The following NDRG1 variants were observed in gnomAD, a reference collection of about 807,000 sequenced individuals.
NDRG1 encodes the protein N-myc downstream regulated 1.
In NDRG1, 32 loss-of-function variants were observed where a neutral mutation model predicts 56.9. The ratio of observed to expected loss-of-function variants is 0.56; its 90% CI spans 0.42 to 0.76. NDRG1 has a LOEUF of 0.76. Among genes scored for constraint, NDRG1 ranks in the 30% least tolerant of loss-of-function variants. The probability of loss-of-function intolerance (pLI) is 0.00; values close to 1 mark genes in which losing one functional copy is unlikely to be tolerated. For synonymous variants in NDRG1, 211 were observed against 204.1 expected, an observed-to-expected ratio of 1.03 and a Z score of -0.29; for missense variants, 507 against 545.7, an observed-to-expected ratio of 0.93 and a Z score of 0.71.
chr8:133,284,095 G>A (rs1277090080), intron 2 of NDRG1, among the ~76,000 whole-genome samples, 154 bp downstream of exon 2: 1 of 152,228 alleles, frequency 6.6e-6, no homozygotes, highest in African/African-American at 2.4e-5. Flanking sequence ...GTACATGTGT[G>A]TGCAGCATGT....
In NDRG1 at chr8:133,244,882, C is replaced by T. The variant is rs79745883; in HGVS notation, c.856-492G>A. ...ACCAGTACCCTTCCTAAATGGTGGACGTTCAAAGTCCCTGTGAAATCACCG... is the reference window on the plus strand; with the variant it reads ...ACCAGTACCCTTCCTAAATGGTGGATGTTCAAAGTCCCTGTGAAATCACCG... On this transcript the variant is annotated intron_variant, in intron 13 of 15. Transcript: ENST00000323851. 4.6e-3 allele frequency among the ~76,000 whole-genome samples: 694 copies of T among 152,310 alleles called. 4 individuals carry two copies. The highest frequency in any genetic ancestry group is 0.016 in the African/African-American group (652 of 41,562).
At chr8:133,244,718 T>C in intron 13 of NDRG1, 1 of 491,302 alleles carries the variant, frequency 2.0e-6, no homozygotes, top group East Asian at 3.7e-5. Flanking sequence ...AGGAAGAGCT[T>C]GAGGGACTCG....
intron 1 of NDRG1, among the ~76,000 whole-genome samples, chr8:133,295,629 G>A (rs1254380681): frequency 6.6e-6 from 1 of 152,146 alleles, no homozygotes; most frequent in Non-Finnish European, 1.5e-5. Flanking sequence ...CAATAAGAAC[G>A]CCAGAATTTC....
chr8:133,239,980 G>A (rs1855291575), intron 15 of NDRG1: 1 of 152,250 alleles, frequency 6.6e-6, no homozygotes, highest in Admixed American at 6.5e-5. Flanking sequence ...GGGATATGCA[G>A]GGGAGAAGTC....
At chr8:133,253,192 C>A (rs1011584653) in intron 9 of NDRG1, among the ~76,000 whole-genome samples, 2 of 152,216 alleles carry the variant, frequency 1.3e-5, no homozygotes, top group African/African-American at 4.8e-5. Flanking sequence ...TGGGGCCAGG[C>A]AGGCTGGGCT....
rs1479312866 is a variant in NDRG1, at chr8:133,263,351, C to A, written c.206-1184G>T. ...TAGAAACAAATGAAAATCAGGCAGTCCATCGTCAAAAATCAAGCAAGCTTG... is the reference window on the plus strand; with the variant it reads ...TAGAAACAAATGAAAATCAGGCAGTACATCGTCAAAAATCAAGCAAGCTTG... On this transcript the variant is annotated intron_variant, in intron 4 of 15. Transcript: ENST00000323851. Among the ~76,000 whole-genome samples the A allele has an allele frequency of 2.6e-5, 4 of 152,124 alleles. No homozygotes were observed. In the East Asian group the frequency reaches 7.7e-4, roughly 29 times the overall value.
In NDRG1 at chr8:133,238,135, G is replaced by A. The variant is rs192660409; in HGVS notation, c.*743C>T. 4.3e-6 allele frequency: 1 copy of A among 233,146 alleles called. No homozygotes were observed. Among genetic ancestry groups the A allele is most frequent in the East Asian group, 6.0e-5 (1 of 16,578 alleles). 14.4% of individuals were successfully genotyped at this position (233,146 alleles called of 1,614,324 possible). A position where few individuals can be genotyped will look rare whatever the true frequency, so the allele number is the denominator to read the frequency against. On this transcript the variant is annotated 3_prime_UTR_variant, in exon 16 of 16. Coordinates refer to ENST00000323851, the MANE Select transcript of NDRG1 (RefSeq NM_006096.4). ...CAGAACTAAAGCCTTCAAAAACCAT[G>A]ATGCCCAACGTTTGCTGAAATATTT...
chr8:133,245,637 C>T (rs1042936379), intron 13 of NDRG1, among the ~76,000 whole-genome samples: 1 of 152,126 alleles, frequency 6.6e-6, no homozygotes. Flanking sequence ...TCCCCTAGCA[C>T]CTTCAGAGGG....
chr8:133,295,181 G>GCCC (rs1478450467), intron 1 of NDRG1, among the ~76,000 whole-genome samples: 1 of 152,082 alleles, frequency 6.6e-6, no homozygotes, highest in Non-Finnish European at 1.5e-5. Flanking sequence ...CTATTACCTC[G>GCCC]CCCGAAACTC....
At chr8:133,244,246 C>A in intron 14 of NDRG1, 109 bp downstream of exon 14, 1 of 1,359,056 alleles carries the variant, frequency 7.4e-7, no homozygotes, top group South Asian at 1.2e-5. Flanking sequence ...CACAAACTGT[C>A]ATCCGATGTC....
At chr8:133,267,207 T>A (rs2977498) in intron 3 of NDRG1, among the ~76,000 whole-genome samples, 1 of 151,878 alleles carries the variant, frequency 6.6e-6, no homozygotes, top group African/African-American at 2.4e-5. Context: ...CAGAGGGTGG[T>A]CGTGACTCTT....
rs112012381 is a variant in NDRG1, at chr8:133,250,546, G to A, written c.595-3C>T. On this transcript the variant is annotated splice_polypyrimidine_tract_variant and splice_region_variant and intron_variant, in intron 9 of 15. Transcript: ENST00000323851. ...TCCACGTTACTCTGCATTTCTTCCT[G>A]CATTTAGAGAGGTGAGAAGATGGTC... The A allele has an allele frequency of 5.0e-6, 8 of 1,613,556 alleles. No individual in the cohort carries two copies. The African/African-American group carries it at 1.1e-4, about 22-fold the overall frequency.
At chr8:133,287,732 A>T (rs1257472961) in intron 1 of NDRG1, among the ~76,000 whole-genome samples, 1 of 152,198 alleles carries the variant, frequency 6.6e-6, no homozygotes, top group Non-Finnish European at 1.5e-5. Flanking sequence ...GAGGAGGCTC[A>T]GCAGCATCCC....
Position 133,248,717 on chromosome 8 carries a change from C to G in NDRG1, c.753G>C (p.Leu251=). 3.1e-6 allele frequency: 5 copies of G among 1,614,220 alleles called. No homozygotes were observed. In the South Asian group the frequency reaches 5.5e-5, roughly 18 times the overall value. ...RPMPGTHTVT[L]QCPALLVVGD... is the part of the protein sequence containing the mutation. ...TGGGGGAGAGAAAAGCCACTCACTG[C>G]AGGGTGACTGTGTGGGTTCCCGGCA... Residue 251 remains leucine (L), a splice_region_variant and synonymous_variant, in exon 11 of 16, where the codon CTG becomes CTC. Coordinates refer to ENST00000323851, the MANE Select transcript of NDRG1 (RefSeq NM_006096.4).
chr8:133,267,697 AAGAC>A (rs1270779647), intron 3 of NDRG1, among the ~76,000 whole-genome samples: 1 of 152,044 alleles, frequency 6.6e-6, no homozygotes, highest in Non-Finnish European at 1.5e-5. Context: ...CTCCCTCTAA[AAGAC>A]AGGCCAGGGC....
intron 3 of NDRG1, among the ~76,000 whole-genome samples, chr8:133,266,622 C>T (rs1006996975): frequency 6.6e-6 from 1 of 152,182 alleles, no homozygotes; most frequent in Non-Finnish European, 1.5e-5. Context: ...AGGCAGCCAC[C>T]CCCACGCCAT....
intron 12 of NDRG1, 91 bp downstream of exon 12, chr8:133,247,784 G>C: frequency 7.5e-7 from 1 of 1,341,478 alleles, no homozygotes; most frequent in Non-Finnish European, 1.1e-6. Flanking sequence ...TGGGGCAGAG[G>C]AGAGGAGGGG....
chr8:133,241,374 G>T, intron 15 of NDRG1: 1 of 157,704 alleles, frequency 6.3e-6, no homozygotes, highest in Non-Finnish European at 1.4e-5. Flanking sequence ...AAATAAGAAC[G>T]AGTGAGTTCC....
rs1857446181 is a variant in NDRG1 at position 133,276,169 on chromosome 8, T to A, written c.99+4063A>T. On this transcript the variant is annotated intron_variant, in intron 3 of 15. Coordinates refer to ENST00000323851, the MANE Select transcript of NDRG1 (RefSeq NM_006096.4). ...CTATCCTTCCAAAGGCTTCTCTGTGTGGCCCCCACTTTAATGATGTCCTAA... is the reference window on the plus strand; with the variant it reads ...CTATCCTTCCAAAGGCTTCTCTGTGAGGCCCCCACTTTAATGATGTCCTAA... 2.0e-5 allele frequency among the ~76,000 whole-genome samples: 3 copies of A among 152,298 alleles called. No individual in the cohort carries two copies. The South Asian group carries it at 6.2e-4, about 32-fold the overall frequency.
Sources: allele counts gnomAD v4.1 joint callset (sites outside exome capture counted in the v4.1 genomes callset), GRCh38; gene constraint gnomAD v4.1.1; transcripts MANE v1.5; gene names NCBI Gene and HGNC (gene_info 2026-07-23, HGNC 2026-07-21).